Variants in METTL21A observed in about 807,000 individuals in gnomAD.
METTL21A encodes the protein protein N-lysine methyltransferase METTL21A.
A neutral mutation model predicts 20.9 loss-of-function variants in METTL21A; 22 were observed. The ratio of observed to expected loss-of-function variants is 1.05; its 90% CI spans 0.75 to 1.50. METTL21A has a LOEUF of 1.50. Ranked by LOEUF, METTL21A falls within the 40% of genes most tolerant of loss-of-function variation. The pLI, the probability that METTL21A is intolerant of heterozygous loss-of-function variation, is 0.00. For missense variants in METTL21A, 271 were observed against 266.8 expected, an observed-to-expected ratio of 1.02 and a Z score of -0.11; for synonymous variants, 93 against 102.0, an observed-to-expected ratio of 0.91 and a Z score of 0.53.
chr2:207,587,253 C>T (rs1364750961), intron 3 of METTL21A, among the ~76,000 whole-genome samples: 1 of 151,904 alleles, frequency 6.6e-6, no homozygotes, highest in Admixed American at 6.6e-5. Context: ...TTCAGCCAGG[C>T]ATGGTGGCGG....
chr2:207,602,456 A>C (rs1445725616), intron 3 of METTL21A: 2 of 201,388 alleles, frequency 9.9e-6, no homozygotes, highest in Admixed American at 1.2e-4. Flanking sequence ...AAAAGGATCA[A>C]AGAGTAGGAA....
At chr2:207,601,301 T>G in intron 3 of METTL21A, 1 of 185,594 alleles carries the variant, frequency 5.4e-6, no homozygotes, top group Non-Finnish European at 1.1e-5. Context: ...CTTAAGAAAT[T>G]CCCTCATCAA....
chr2:207,594,006 G>T (rs1414754691), intron 3 of METTL21A, among the ~76,000 whole-genome samples: 2 of 152,064 alleles, frequency 1.3e-5, no homozygotes, highest in Non-Finnish European at 2.9e-5. Flanking sequence ...GATTACAGGG[G>T]TGAGCCACCA....
At chr2:207,600,175 T>TC (rs2086787069) in intron 3 of METTL21A, 2 of 177,084 alleles carry the variant, frequency 1.1e-5, no homozygotes, top group African/African-American at 4.8e-5. Context: ...CATAATATTG[T>TC]CATAGGTGCT....
intron 3 of METTL21A, among the ~76,000 whole-genome samples, chr2:207,583,675 T>A (rs544178669): frequency 6.6e-6 from 1 of 152,214 alleles, no homozygotes; most frequent in Non-Finnish European, 1.5e-5. Context: ...GTTTTTATCC[T>A]TAAATTTGCA....
intron 3 of METTL21A, among the ~76,000 whole-genome samples, chr2:207,616,973 G>A (rs576866040): frequency 4.6e-5 from 7 of 152,352 alleles, no homozygotes; most frequent in African/African-American, 1.7e-4. Context: ...AAGGCAGGGA[G>A]TCGGTGTCAA....
chr2:207,614,684 T>C (rs1007124483), intron 3 of METTL21A, among the ~76,000 whole-genome samples: 1 of 152,192 alleles, frequency 6.6e-6, no homozygotes, highest in Non-Finnish European at 1.5e-5. Flanking sequence ...CTGTTTCTTA[T>C]GGGTTGTTGA....
chr2:207,597,372 G>T (rs1488202452), intron 3 of METTL21A: 1 of 288,942 alleles, frequency 3.5e-6, no homozygotes, highest in Non-Finnish European at 6.4e-6. Flanking sequence ...ATGAGGAAAA[G>T]AAAATCTTTT....
intron 3 of METTL21A, among the ~76,000 whole-genome samples, chr2:207,596,315 CTTAG>C (rs2086149028): frequency 6.6e-6 from 1 of 152,190 alleles, no homozygotes; most frequent in African/African-American, 2.4e-5. Flanking sequence ...TTAATGTTTT[CTTAG>C]TTATTGATAT....
chr2:207,582,358 G>C (rs1447935708), intron 3 of METTL21A, among the ~76,000 whole-genome samples: 3 of 152,098 alleles, frequency 2.0e-5, no homozygotes, highest in Admixed American at 2.0e-4. Flanking sequence ...TGGGAATTTT[G>C]TATATCTCCA....
chr2:207,602,583 A>T (rs2087271051), intron 3 of METTL21A: 1 of 211,958 alleles, frequency 4.7e-6, no homozygotes, highest in Admixed American at 5.9e-5. Context: ...ATTGGTAGGG[A>T]GGAAGAAAAT....
rs1437890337 is a variant in METTL21A at position 207,624,226 on chromosome 2, T to A, written c.147+3A>T. 1 of 1,598,200 alleles carries A rather than the reference T, an allele frequency of 6.3e-7. No homozygotes were observed. Among genetic ancestry groups the A allele is most frequent in the Admixed American group, 1.8e-5 (1 of 55,818 alleles). On this transcript the variant is annotated splice_donor_region_variant and intron_variant, in intron 2 of 3. Transcript: ENST00000406927. ...TTTCAGAGGTCCCCCAGGGCTTACT[T>A]ACCGCATCCCAAACCACCGCTGCGA...
At chr2:207,612,514 A>C (rs1421245336), downstream of METTL21A, 1 of 152,142 alleles carries the variant, frequency 6.6e-6, no homozygotes, top group Non-Finnish European at 1.5e-5. Context: ...GACCCAAAAA[A>C]GCTCATATCC....
intron 3 of METTL21A, among the ~76,000 whole-genome samples, chr2:207,619,980 T>C (rs2090287098): frequency 6.6e-6 from 1 of 152,200 alleles, no homozygotes; most frequent in Non-Finnish European, 1.5e-5. Context: ...TGAAAAGAAA[T>C]GTCAAAACCA....
intron 3 of METTL21A, among the ~76,000 whole-genome samples, chr2:207,583,098 A>G (rs777616678): frequency 6.6e-6 from 1 of 152,152 alleles, no homozygotes; most frequent in Admixed American, 6.5e-5. Flanking sequence ...AACTATTTAC[A>G]TAGTATTTAC....
intron 3 of METTL21A, among the ~76,000 whole-genome samples, chr2:207,582,321 A>G (rs2083074105): frequency 6.6e-6 from 1 of 152,198 alleles, no homozygotes; most frequent in East Asian, 1.9e-4. Flanking sequence ...TCTTGTCTAC[A>G]GTAATTATTA....
At chr2:207,619,779 GT>G (rs59798446) in intron 3 of METTL21A, among the ~76,000 whole-genome samples, 127,755 of 152,092 alleles carry the variant, frequency 0.84, 53,847 homozygotes, top group East Asian at 1. Flanking sequence ...AGAAAAAGCA[GT>G]TACTCAGAGA....
At chr2:207,591,472 G>A (rs2085015897) in intron 3 of METTL21A, among the ~76,000 whole-genome samples, 1 of 152,102 alleles carries the variant, frequency 6.6e-6, no homozygotes, top group African/African-American at 2.4e-5. Flanking sequence ...TGTTGCCCAG[G>A]CTGGAGTGCA....
At chr2:207,595,240 C>T (rs1359559917) in intron 3 of METTL21A, among the ~76,000 whole-genome samples, 1 of 151,804 alleles carries the variant, frequency 6.6e-6, no homozygotes, top group African/African-American at 2.4e-5. Flanking sequence ...ATGATCCACC[C>T]GCCTCTGCCT....
Sources: gnomAD v4.1 joint callset for allele counts (sites outside exome capture counted in the v4.1 genomes callset) on GRCh38, gnomAD v4.1.1 for gene constraint, MANE v1.5 for transcripts, NCBI Gene and HGNC (gene_info 2026-07-23, HGNC 2026-07-21) for gene names.